Variants in BIN1 observed in about 807,000 individuals in gnomAD.
BIN1 encodes the protein myc box-dependent-interacting protein 1.
Under a neutral mutation model 82.0 loss-of-function variants are expected in BIN1, and 53 were observed. That is an observed-to-expected ratio of 0.65 (90% CI 0.52 to 0.81). BIN1 has a LOEUF of 0.81. BIN1 is among the 40% of genes least tolerant of loss of function. BIN1 has a pLI of 0.00. For synonymous variants in BIN1, 302 were observed against 328.0 expected, an observed-to-expected ratio of 0.92 and a Z score of 0.86; for missense variants, 642 against 784.4, an observed-to-expected ratio of 0.82 and a Z score of 2.17.
rs528571041 is a variant in BIN1, at chr2:127,049,435, G to C, written c.1675-802C>G. On this transcript the variant is annotated intron_variant, in intron 18 of 18. Transcript: ENST00000316724. ...CCTCATCACTCAGGCCTCCTGCCCC[G>C]GACCTCAATAAGTACCTGGTACCCC... Among the ~76,000 whole-genome samples the C allele has an allele frequency of 1.3e-3, 198 of 152,218 alleles. 2 individuals are homozygous for C. Among genetic ancestry groups the C allele is most frequent in the African/African-American group, 4.6e-3 (193 of 41,538 alleles).
At chr2:127,048,852 C>T (rs1682511455) in intron 18 of BIN1, among the ~76,000 whole-genome samples, 1 of 152,248 alleles carries the variant, frequency 6.6e-6, no homozygotes, top group Admixed American at 6.5e-5. Flanking sequence ...GCCTGTCGTC[C>T]GCAGGTGGAT....
intron 1 of BIN1, among the ~76,000 whole-genome samples, chr2:127,104,121 C>T (rs1430763443): frequency 6.6e-6 from 1 of 152,244 alleles, no homozygotes; most frequent in Admixed American, 6.5e-5. Flanking sequence ...GGCCTGTGTC[C>T]AGGCAGGATT....
chr2:127,089,003 C>T (rs533753560), intron 1 of BIN1, among the ~76,000 whole-genome samples: 2 of 152,152 alleles, frequency 1.3e-5, no homozygotes, highest in East Asian at 3.9e-4. Context: ...GACCAGGAGG[C>T]CCTGAAACAC....
rs190492750 is a variant in BIN1, at chr2:127,068,355, C to T, written c.520-100G>A. 1.3e-5 allele frequency: 12 copies of T among 918,336 alleles called. No homozygotes were observed. The highest frequency in any genetic ancestry group is 3.3e-5 in the African/African-American group (2 of 61,186). The allele number at this position is 918,336 out of a possible 1,614,324, so 56.9% of individuals were successfully genotyped here. On this transcript the variant is annotated intron_variant, in intron 6 of 18. Coordinates refer to ENST00000316724, the MANE Select transcript of BIN1 (RefSeq NM_139343.3). The surrounding 1 kb of genome is among the most constrained non-coding windows in gnomAD (Gnocchi z 4.9). ...ATTAAATGCAGGTCCACACGCCCCA[C>T]GCGCGGGGGCCACCCCAAGCAGATA...
At position 127,048,481 on chromosome 2, in the gene BIN1, G is replaced by A. The variant is rs768893232; in HGVS notation, c.*45C>T. On this transcript the variant is annotated 3_prime_UTR_variant, in exon 19 of 19. Coordinates refer to ENST00000316724, the MANE Select transcript of BIN1 (RefSeq NM_139343.3). The stretch of plus-strand genomic sequence containing the variant: ...AAAAAAAGAACCACACATTTTTCGG[G>A]AGGAGGTGTTCTTCACACGCCCGGA... The A allele has an allele frequency of 5.8e-6, 9 of 1,542,180 alleles. No individual in the cohort carries two copies. The highest frequency in any genetic ancestry group is 8.1e-6 in the Non-Finnish European group (9 of 1,116,234).
chr2:127,100,458 C>T (rs1013940014), intron 1 of BIN1, among the ~76,000 whole-genome samples: 1 of 152,196 alleles, frequency 6.6e-6, no homozygotes, highest in African/African-American at 2.4e-5. Context: ...AGGCCAGACC[C>T]CACTACTGAT....
intron 9 of BIN1, among the ~76,000 whole-genome samples, chr2:127,063,001 TG>T (rs1174050082): frequency 6.6e-6 from 1 of 152,148 alleles, no homozygotes; most frequent in African/African-American, 2.4e-5. Context: ...GACCCACCAC[TG>T]GGGGCGGGGG....
chr2:127,098,866 T>G (rs1679935818), intron 1 of BIN1, among the ~76,000 whole-genome samples: 1 of 152,212 alleles, frequency 6.6e-6, no homozygotes, highest in South Asian at 2.1e-4. Context: ...CAGGCAGGAC[T>G]CCTCGGCTGG....
At chr2:127,105,412 ACCCCACAACCTGAAGTCTTCCCAGCC>A (rs1680920687) in intron 1 of BIN1, among the ~76,000 whole-genome samples, 1 of 137,096 alleles carries the variant, frequency 7.3e-6, no homozygotes, top group Non-Finnish European at 1.6e-5. Context: ...CCACCCCCCC[ACCCCACAACCTGAAGTCTTCCCAGCC>A]CCCAGCCAGC....
chr2:127,090,354 G>A lies in BIN1; in HGVS notation c.85-13648C>T, dbSNP rs35114168. Among the ~76,000 whole-genome samples the A allele has an allele frequency of 0.24, 36,707 of 152,162 alleles. 5,543 individuals carry two copies. The highest frequency in any genetic ancestry group is 0.34 in the Non-Finnish European group (23,446 of 67,960). ...TACTCCACATCCCAGTGCCACCCCC[G>A]CAGGCAGGCAGCAAGGGCATGGCCG... On this transcript the variant is annotated intron_variant, in intron 1 of 18. Transcript: ENST00000316724. This position sits in a 1 kb window ranked among gnomAD's most constrained non-coding sequence, Gnocchi z 6.4.
chr2:127,051,277 A>T (rs1290965120), intron 15 of BIN1, 34 bp from the exon 16 acceptor site: 1 of 1,607,558 alleles, frequency 6.2e-7, no homozygotes, highest in Non-Finnish European at 8.5e-7. Context: ...GGTCAGACAC[A>T]GGACAGGACA....
At chr2:127,065,596 C>T (rs769167448) in intron 7 of BIN1, among the ~76,000 whole-genome samples, 12 of 152,164 alleles carry the variant, frequency 7.9e-5, no homozygotes, top group Admixed American at 2.6e-4. Flanking sequence ...TCCCACATTC[C>T]GTAAGAACCT....
intron 1 of BIN1, among the ~76,000 whole-genome samples, chr2:127,087,593 A>C (rs891209407): frequency 3.9e-5 from 6 of 152,206 alleles, no homozygotes; most frequent in African/African-American, 1.4e-4. Context: ...GAGCACTCTC[A>C]CAGTGGCCGG....
chr2:127,083,442 G>A (rs1392682471), intron 1 of BIN1, among the ~76,000 whole-genome samples: 1 of 152,312 alleles, frequency 6.6e-6, no homozygotes, highest in Admixed American at 6.5e-5. Flanking sequence ...CAGAAGGTAA[G>A]CAGCAGAAGG....
Position 127,057,653 on chromosome 2 carries a change from G to A in BIN1, c.1003-52C>T, listed in dbSNP as rs1174118199. The A allele has an allele frequency of 1.2e-5, 17 of 1,460,346 alleles. No individual in the cohort carries two copies. Among genetic ancestry groups the A allele is most frequent in the Middle Eastern group, 2.5e-4 (1 of 4,032 alleles). The allele number at this position is 1,460,346 out of a possible 1,614,324, so 90.5% of individuals were successfully genotyped here. A position where few individuals can be genotyped will look rare whatever the true frequency, so the allele number is the denominator to read the frequency against. On this transcript the variant is annotated intron_variant, in intron 11 of 18. Coordinates refer to ENST00000316724, the MANE Select transcript of BIN1 (RefSeq NM_139343.3). The surrounding 1 kb of genome is among the most constrained non-coding windows in gnomAD (Gnocchi z 5.0). Reference sequence around the variant, plus strand: ...CGCGCGGGAAGGCACAGCAGAGCACGGGGTTTGGGGGAGACAGACAGAGAC... The same window carrying A: ...CGCGCGGGAAGGCACAGCAGAGCACAGGGTTTGGGGGAGACAGACAGAGAC...
chr2:127,103,830 G>A (rs78622772), intron 1 of BIN1, among the ~76,000 whole-genome samples: 1 of 152,248 alleles, frequency 6.6e-6, no homozygotes. Context: ...ATCATTTATA[G>A]AGGGTTCGAC....
At chr2:127,081,235 C>G (rs1036756364) in intron 1 of BIN1, among the ~76,000 whole-genome samples, 1 of 152,228 alleles carries the variant, frequency 6.6e-6, no homozygotes. Context: ...TCACCACGTA[C>G]AGCACCCACC....
chr2:127,076,735 T>A, intron 1 of BIN1, 29 bp from the exon 2 acceptor site: 2 of 1,612,078 alleles, frequency 1.2e-6, no homozygotes, highest in Non-Finnish European at 1.7e-6. Flanking sequence ...AAGGGGAGAG[T>A]GTTACCTTGG....
chr2:127,091,879 G>A (rs550291508), intron 1 of BIN1, among the ~76,000 whole-genome samples: 9 of 152,114 alleles, frequency 5.9e-5, no homozygotes, highest in Admixed American at 5.9e-4. Context: ...CTGGGTAACA[G>A]AGCAAGACCC....
Sources: allele counts gnomAD v4.1 joint callset (sites outside exome capture counted in the v4.1 genomes callset), GRCh38; gene constraint gnomAD v4.1.1; non-coding constraint Gnocchi (gnomAD v3.1); transcripts MANE v1.5; gene names NCBI Gene and HGNC (gene_info 2026-07-23, HGNC 2026-07-21).